The following AGAP3 variants were observed in gnomAD, a reference collection of about 807,000 sequenced individuals.
AGAP3 encodes arf-GAP with GTPase, ANK repeat and PH domain-containing protein 3.
A neutral mutation model predicts 96.9 loss-of-function variants in AGAP3; 24 were observed. The ratio of observed to expected loss-of-function variants is 0.25; its 90% CI spans 0.18 to 0.35. The LOEUF (loss-of-function observed/expected upper bound fraction) is 0.35. Ranked by LOEUF, AGAP3 falls within the 10% of genes least tolerant of loss-of-function variation. AGAP3 has a pLI of 1.00. For missense variants in AGAP3, 876 were observed against 1,254.2 expected, an observed-to-expected ratio of 0.70 and a Z score of 4.55; for synonymous variants, 563 against 536.1, an observed-to-expected ratio of 1.05 and a Z score of -0.69.
intron 1 of AGAP3, chr7:151,115,474 TG>T: frequency 2.0e-6 from 2 of 1,014,698 alleles, no homozygotes; most frequent in Non-Finnish European, 1.2e-6. Flanking sequence ...CGCGACCTGC[TG>T]GGCTCCGACG....
At chr7:151,112,790 C>T (rs887346908) in intron 1 of AGAP3, among the ~76,000 whole-genome samples, 3 of 152,002 alleles carry the variant, frequency 2.0e-5, no homozygotes, top group African/African-American at 4.8e-5. Flanking sequence ...TTTGTAGAGA[C>T]GGGGTTTCAC....
At chr7:151,127,611 G>A (rs140278471) in intron 9 of AGAP3, among the ~76,000 whole-genome samples, 1 of 152,258 alleles carries the variant, frequency 6.6e-6, no homozygotes, top group Non-Finnish European at 1.5e-5. Flanking sequence ...TCTGCCCCTG[G>A]TCTCCATCGT....
chr7:151,112,317 G>C (rs1225836547), intron 1 of AGAP3: 1 of 152,282 alleles, frequency 6.6e-6, no homozygotes, highest in Non-Finnish European at 1.5e-5. Flanking sequence ...TGATTCTGCA[G>C]GTGCAGTGGG....
At chr7:151,115,680 G>C (rs1189429321) in intron 1 of AGAP3, 3 of 1,114,032 alleles carry the variant, frequency 2.7e-6, no homozygotes, top group Non-Finnish European at 3.3e-6. Flanking sequence ...GCAGAAAACA[G>C]CTCGCGGGAG....
chr7:151,122,036 C>T (rs79014536), intron 8 of AGAP3, among the ~76,000 whole-genome samples: 9 of 152,212 alleles, frequency 5.9e-5, no homozygotes, highest in Non-Finnish European at 8.8e-5. Flanking sequence ...AGTTCCTGTC[C>T]GCATGGGGAG....
Position 151,141,092 on chromosome 7 carries a change from C to G in AGAP3, c.1805-806C>G, listed in dbSNP as rs1800795004. 1 of 152,176 alleles carries G rather than the reference C, an allele frequency of 6.6e-6. No homozygotes were observed. Among genetic ancestry groups the G allele is most frequent in the Admixed American group, 6.5e-5 (1 of 15,278 alleles). The allele number at this position is 152,176 out of a possible 1,614,324, so 9.4% of individuals were successfully genotyped here. On this transcript the variant is annotated intron_variant, in intron 13 of 17. Transcript: ENST00000397238. The surrounding 1 kb of genome is among the most constrained non-coding windows in gnomAD (Gnocchi z 4.2). ...AACTGGGGTTCACCCTGGGGCCTTACCACAGGCACCTGTGCTGTCTTTCCA... is the reference window on the plus strand; with the variant it reads ...AACTGGGGTTCACCCTGGGGCCTTAGCACAGGCACCTGTGCTGTCTTTCCA...
chr7:151,109,061 C>A (rs1799172264), intron 1 of AGAP3, among the ~76,000 whole-genome samples: 1 of 152,034 alleles, frequency 6.6e-6, no homozygotes, highest in Admixed American at 6.5e-5. Context: ...GCTGCGGTGG[C>A]CCATGCCTGT....
chr7:151,142,110 G>T lies in AGAP3; in HGVS notation c.1960-53G>T. On this transcript the variant is annotated intron_variant, in intron 14 of 17. Coordinates refer to ENST00000397238, the MANE Select transcript of AGAP3 (RefSeq NM_031946.7). The surrounding 1 kb of genome is among the most constrained non-coding windows in gnomAD (Gnocchi z 7.5). ...ACCTGGCTGGGGTGGGACTGAAAGGGGCCTCATGACTGACCAACCGCCCCT... is the reference window on the plus strand; with the variant it reads ...ACCTGGCTGGGGTGGGACTGAAAGGTGCCTCATGACTGACCAACCGCCCCT... 1 of 1,608,234 alleles carries T rather than the reference G, an allele frequency of 6.2e-7. No homozygotes were observed. The highest frequency in any genetic ancestry group is 1.1e-5 in the South Asian group (1 of 90,526).
chr7:151,112,940 G>A (rs917800678), intron 1 of AGAP3, among the ~76,000 whole-genome samples: 2 of 151,392 alleles, frequency 1.3e-5, no homozygotes, highest in Non-Finnish European at 2.9e-5. Flanking sequence ...CACTACGTTG[G>A]CCAGGCTGGT....
At position 151,117,255 on chromosome 7, in the gene AGAP3, G is replaced by A. The variant is rs1003849782; in HGVS notation, c.478+73G>A. On this transcript the variant is annotated intron_variant, in intron 3 of 17. Transcript: ENST00000397238. ...AGCTCCTGCCCACAGGGTCTGGGTG[G>A]GGGGTCTCCAGCCCCCTTCCAGTCC... 6 of 1,587,734 alleles carry A rather than the reference G, an allele frequency of 3.8e-6. No homozygotes were observed. The African/African-American group carries it at 6.7e-5, about 18-fold the overall frequency.
chr7:151,109,832 T>C (rs1174128715), intron 1 of AGAP3, among the ~76,000 whole-genome samples: 1 of 152,184 alleles, frequency 6.6e-6, no homozygotes, highest in Non-Finnish European at 1.5e-5. Context: ...CTGGTTTCAG[T>C]GATCCCAGCG....
At chr7:151,095,415 G>A (rs987418081) in intron 1 of AGAP3, among the ~76,000 whole-genome samples, 4 of 152,168 alleles carry the variant, frequency 2.6e-5, no homozygotes, top group Admixed American at 6.5e-5. Context: ...CCTTACCGCC[G>A]TAGGGGTGCC....
At position 151,140,195 on chromosome 7, in the gene AGAP3, A is replaced by G; in HGVS notation, c.1804+79A>G. 2 of 1,325,500 alleles carry G rather than the reference A, an allele frequency of 1.5e-6. No individual in the cohort carries two copies. Among genetic ancestry groups the G allele is most frequent in the Non-Finnish European group, 1.9e-6 (2 of 1,031,098 alleles). 82.1% of individuals were successfully genotyped at this position (1,325,500 alleles called of 1,614,324 possible). A position where few individuals can be genotyped will look rare whatever the true frequency, so the allele number is the denominator to read the frequency against. On this transcript the variant is annotated intron_variant, in intron 13 of 17. Transcript: ENST00000397238. This position sits in a 1 kb window ranked among gnomAD's most constrained non-coding sequence, Gnocchi z 5.4. ...GGATAGTACCCTAAAAGTAACACCT[A>G]TTTTTTATTTTTTGTATTCAGTGGA...
chr7:151,133,160 G>T lies in AGAP3; in HGVS notation c.1327-1240G>T, dbSNP rs1461840888. On this transcript the variant is annotated intron_variant, in intron 10 of 17. Coordinates refer to ENST00000397238, the MANE Select transcript of AGAP3 (RefSeq NM_031946.7). This position sits in a 1 kb window ranked among gnomAD's most constrained non-coding sequence, Gnocchi z 5.4. ...TGTAATTCAGTCAGAAGTTAAATCT[G>T]GCACCACCACCCAGGTTCTTCTCTC... 6.6e-6 allele frequency among the ~76,000 whole-genome samples: 1 copy of T among 152,192 alleles called. No homozygotes were observed. The highest frequency in any genetic ancestry group is 1.5e-5 in the Non-Finnish European group (1 of 68,018).
At chr7:151,136,508 T>A (rs1800601825) in intron 11 of AGAP3, 1 of 152,268 alleles carries the variant, frequency 6.6e-6, no homozygotes, top group Admixed American at 6.5e-5. Context: ...CATCTCATTA[T>A]CTTTGTTACT....
Position 151,143,073 on chromosome 7 carries a change from G to T in AGAP3, c.2274-268G>T, listed in dbSNP as rs1250168675. On this transcript the variant is annotated intron_variant, in intron 16 of 17. Coordinates refer to ENST00000397238, the MANE Select transcript of AGAP3 (RefSeq NM_031946.7). This position sits in a 1 kb window ranked among gnomAD's most constrained non-coding sequence, Gnocchi z 5.9. ...TGCCTGGAATCTTCCTGCCCTCTCAGCCCCCGCATCCCCACTGTCCCCAGG... is the reference window on the plus strand; with the variant it reads ...TGCCTGGAATCTTCCTGCCCTCTCATCCCCCGCATCCCCACTGTCCCCAGG... Among the ~76,000 whole-genome samples the T allele has an allele frequency of 6.6e-6, 1 of 152,114 alleles. No homozygotes were observed. The highest frequency in any genetic ancestry group is 2.4e-5 in the African/African-American group (1 of 41,428).
rs1291147366 is a variant in AGAP3, at chr7:151,114,957, G to A, written c.332-1836G>A. 3.1e-6 allele frequency: 3 copies of A among 983,106 alleles called. No homozygotes were observed. Among genetic ancestry groups the A allele is most frequent in the Non-Finnish European group, 3.6e-6 (3 of 830,364 alleles). The allele number at this position is 983,106 out of a possible 1,614,324, so 60.9% of individuals were successfully genotyped here. A position where few individuals can be genotyped will look rare whatever the true frequency, so the allele number is the denominator to read the frequency against. On this transcript the variant is annotated intron_variant, in intron 1 of 17. Transcript: ENST00000397238. This position sits in a 1 kb window ranked among gnomAD's most constrained non-coding sequence, Gnocchi z 4.4. ...GGCGCGGCCGCGGAGCGTGTGCTCG[G>A]GCGGCCCGGAGCCGCCGCCCACCGG...
At chr7:151,099,723 C>T (rs1031883329) in intron 1 of AGAP3, among the ~76,000 whole-genome samples, 5 of 152,238 alleles carry the variant, frequency 3.3e-5, no homozygotes, top group South Asian at 2.1e-4. Context: ...GGGCTTCCCT[C>T]GGGACCGTGG....
chr7:151,126,306 C>T (rs1800168395), intron 9 of AGAP3, among the ~76,000 whole-genome samples: 1 of 152,120 alleles, frequency 6.6e-6, no homozygotes, highest in South Asian at 2.1e-4. Context: ...GCGCGCAGTG[C>T]AGGCCTTGAG....
Sources: allele counts gnomAD v4.1 joint callset (sites outside exome capture counted in the v4.1 genomes callset), GRCh38; gene constraint gnomAD v4.1.1; non-coding constraint Gnocchi (gnomAD v3.1); transcripts MANE v1.5; gene names NCBI Gene and HGNC (gene_info 2026-07-23, HGNC 2026-07-21).